The following NLGN1 variants were observed in gnomAD, a reference collection of about 807,000 sequenced individuals.
NLGN1 encodes the protein neuroligin-1.
A neutral mutation model predicts 65.5 loss-of-function variants in NLGN1; 12 were observed. The ratio of observed to expected loss-of-function variants is 0.18; its 90% CI spans 0.12 to 0.30. The LOEUF is 0.30. Ranked by LOEUF, NLGN1 falls within the 10% of genes least tolerant of loss-of-function variation. NLGN1 has a pLI of 1.00. For missense variants in NLGN1, 750 were observed against 1,007.1 expected (o/e 0.74, Z 3.46); for synonymous variants, 350 against 359.5 (o/e 0.97, Z 0.30).
At chr3:173,911,993 T>C (rs962219312) in intron 4 of NLGN1, among the ~76,000 whole-genome samples, 2 of 152,212 alleles carry the variant, frequency 1.3e-5, no homozygotes, top group Non-Finnish European at 2.9e-5. Context: ...TACAATGTGC[T>C]AAATTTTTTA....
intron 4 of NLGN1, among the ~76,000 whole-genome samples, chr3:173,942,984 C>T (rs901680211): frequency 9.9e-5 from 15 of 152,000 alleles, no homozygotes; most frequent in Non-Finnish European, 1.8e-4. Context: ...CAGCACTTTG[C>T]GAGGCTGAGA....
intron 2 of NLGN1, among the ~76,000 whole-genome samples, chr3:173,457,019 G>T (rs574126072): frequency 6.6e-6 from 1 of 152,060 alleles, no homozygotes; most frequent in Non-Finnish European, 1.5e-5. Flanking sequence ...TCCCATTTTT[G>T]CATCTTCTAG....
chr3:173,416,626 A>G (rs1713851768), intron 1 of NLGN1, among the ~76,000 whole-genome samples: 1 of 152,200 alleles, frequency 6.6e-6, no homozygotes, highest in Non-Finnish European at 1.5e-5. Flanking sequence ...GGTAAAAGAC[A>G]TGCAAAAATA....
chr3:173,489,840 G>T (rs1415238293), intron 2 of NLGN1, among the ~76,000 whole-genome samples: 1 of 152,104 alleles, frequency 6.6e-6, no homozygotes, highest in African/African-American at 2.4e-5. Context: ...GGCCAGTGAT[G>T]ATGAGCATTT....
At chr3:174,107,124 A>G (rs903942846) in intron 4 of NLGN1, among the ~76,000 whole-genome samples, 2 of 151,600 alleles carry the variant, frequency 1.3e-5, no homozygotes, top group Non-Finnish European at 2.9e-5. Flanking sequence ...CAAAGGTCTT[A>G]TGTTGCCTTT....
At position 173,966,162 on chromosome 3, in the gene NLGN1, C is replaced by A. The variant is rs1714826189; in HGVS notation, c.646+158330C>A. On this transcript the variant is annotated intron_variant, in intron 4 of 6. Coordinates refer to ENST00000457714, the Ensembl canonical transcript of NLGN1. ...ATTGTCCCTTTCTGTAACAATAGAG[C>A]CAATGACCAGTTGCCTAAAATCTCT... Among the ~76,000 whole-genome samples the A allele has an allele frequency of 2.6e-5, 4 of 152,128 alleles. No homozygotes were observed. In the South Asian group the frequency reaches 8.3e-4, roughly 31 times the overall value.
At chr3:174,100,800 T>G (rs945596535) in intron 4 of NLGN1, among the ~76,000 whole-genome samples, 4 of 152,054 alleles carry the variant, frequency 2.6e-5, no homozygotes, top group Non-Finnish European at 5.9e-5. Flanking sequence ...CCCTTCTAAG[T>G]AAAGTGACCA....
At chr3:174,150,095 GT>G in intron 4 of NLGN1, among the ~76,000 whole-genome samples, 1 of 152,224 alleles carries the variant, frequency 6.6e-6, no homozygotes, top group East Asian at 1.9e-4. Context: ...CAGTCACAGT[GT>G]AGTTACCACT....
At chr3:174,223,491 CTCT>C (rs1739031421) in intron 4 of NLGN1, among the ~76,000 whole-genome samples, 1 of 151,956 alleles carries the variant, frequency 6.6e-6, no homozygotes, top group Admixed American at 6.6e-5. Context: ...TATTGGTATT[CTCT>C]AGCATTTATT....
At chr3:173,894,066 C>G (rs1349012982) in intron 4 of NLGN1, among the ~76,000 whole-genome samples, 3 of 152,192 alleles carry the variant, frequency 2.0e-5, no homozygotes, top group African/African-American at 7.2e-5. Context: ...TCTTTCCTGC[C>G]ATCCCTTGGG....
chr3:173,930,815 A>G (rs1489814971), intron 4 of NLGN1, among the ~76,000 whole-genome samples: 4 of 152,144 alleles, frequency 2.6e-5, no homozygotes, highest in Admixed American at 2.6e-4. Context: ...AGGTAATGAA[A>G]TACAGTCTCC....
intron 4 of NLGN1, among the ~76,000 whole-genome samples, chr3:174,159,156 G>A (rs1241251336): frequency 6.6e-6 from 1 of 151,616 alleles, no homozygotes; most frequent in African/African-American, 2.4e-5. Context: ...CAGCTCCCTA[G>A]GAAATGGCTA....
At chr3:173,629,432 T>C (rs1755333223) in intron 3 of NLGN1, among the ~76,000 whole-genome samples, 1 of 152,142 alleles carries the variant, frequency 6.6e-6, no homozygotes, top group African/African-American at 2.4e-5. Context: ...TTCTTAAAAA[T>C]TAAATATTAA....
At chr3:173,574,259 A>C (rs1328791535) in intron 2 of NLGN1, among the ~76,000 whole-genome samples, 2 of 151,830 alleles carry the variant, frequency 1.3e-5, no homozygotes, top group Non-Finnish European at 2.9e-5. Flanking sequence ...GTTCTTTTTA[A>C]GTCAATTGAA....
intron 3 of NLGN1, among the ~76,000 whole-genome samples, chr3:173,611,307 A>G (rs1030487164): frequency 1.3e-5 from 2 of 152,062 alleles, no homozygotes; most frequent in African/African-American, 4.8e-5. Flanking sequence ...TGGAGGAACA[A>G]AGAAGTTAAA....
At position 173,445,131 on chromosome 3, in the gene NLGN1, A is replaced by G. The variant is rs560718743; in HGVS notation, c.-321+10053A>G. The stretch of plus-strand genomic sequence containing the variant: ...AAAATACAAAAAATTAGCCGGGCGT[A>G]GTGGCGGGCGCCTGTAGTCCCAGCT... On this transcript the variant is annotated intron_variant, in intron 2 of 6. Coordinates refer to ENST00000457714, the Ensembl canonical transcript of NLGN1. 7.2e-4 allele frequency among the ~76,000 whole-genome samples: 109 copies of G among 150,578 alleles called. 1 individual carries two copies. The South Asian group carries it at 0.021, about 29-fold the overall frequency.
At chr3:174,226,689 A>G (rs1031573084) in intron 4 of NLGN1, among the ~76,000 whole-genome samples, 9 of 152,148 alleles carry the variant, frequency 5.9e-5, no homozygotes, top group Non-Finnish European at 1.3e-4. Context: ...CAGGTGCTAT[A>G]TGTCTGTTAA....
At chr3:173,408,318 G>C (rs1017768486) in intron 1 of NLGN1, among the ~76,000 whole-genome samples, 7 of 152,136 alleles carry the variant, frequency 4.6e-5, no homozygotes, top group African/African-American at 1.7e-4. Context: ...TCTAGTTGGT[G>C]CCAATCTGTC....
In NLGN1 at chr3:173,812,336, T is replaced by A. The variant is rs185742394; in HGVS notation, c.646+4504T>A. 3.1e-3 allele frequency among the ~76,000 whole-genome samples: 470 copies of A among 152,352 alleles called. 1 individual carries two copies. The highest frequency in any genetic ancestry group is 5.4e-3 in the Non-Finnish European group (369 of 68,032). On this transcript the variant is annotated intron_variant, in intron 4 of 6. Transcript: ENST00000457714. Reference sequence around the variant, plus strand: ...TAATGAACACCTTAATTTATTTTTATTCTATTAGATATGGTTAATGAAATT... The same window carrying A: ...TAATGAACACCTTAATTTATTTTTAATCTATTAGATATGGTTAATGAAATT...
Sources: allele counts gnomAD v4.1 joint callset (sites outside exome capture counted in the v4.1 genomes callset), GRCh38; gene constraint gnomAD v4.1.1; transcripts MANE v1.5; gene names NCBI Gene and HGNC (gene_info 2026-07-23, HGNC 2026-07-21).